Variants in ASAH2 observed in about 807,000 individuals in gnomAD.
ASAH2 encodes neutral ceramidase.
In ASAH2, 58 loss-of-function variants were observed where a neutral mutation model predicts 82.9. The observed-to-expected ratio is 0.70, with a 90% CI of 0.57 to 0.87. The LOEUF is 0.87. ASAH2 is among the 40% of genes least tolerant of loss of function. The probability of loss-of-function intolerance (pLI) is 0.00; values close to 1 mark genes in which losing one functional copy is unlikely to be tolerated. For synonymous variants in ASAH2, 276 were observed against 289.7 expected (o/e 0.95, Z 0.48); for missense variants, 779 against 834.0 (o/e 0.93, Z 0.81).
At chr10:50,222,786 T>G (rs1374999358) in intron 7 of ASAH2, among the ~76,000 whole-genome samples, 1 of 152,216 alleles carries the variant, frequency 6.6e-6, no homozygotes, top group Non-Finnish European at 1.5e-5. Context: ...TAGTTATGGA[T>G]GAATATTTAT....
intron 7 of ASAH2, among the ~76,000 whole-genome samples, chr10:50,229,708 T>C (rs1845978989): frequency 6.6e-6 from 1 of 152,180 alleles, no homozygotes; most frequent in Admixed American, 6.6e-5. Context: ...TACCAGTTCT[T>C]CAAATGCTTC....
intron 9 of ASAH2, 143 bp from the exon 10 acceptor site, chr10:50,213,201 CTA>C (rs1417017317): frequency 1.3e-6 from 1 of 767,252 alleles, no homozygotes; most frequent in African/African-American, 1.7e-5. Context: ...AAAGTACAAA[CTA>C]TAAAAACAAA....
chr10:50,224,780 C>T (rs1845837557), intron 7 of ASAH2, among the ~76,000 whole-genome samples: 1 of 152,136 alleles, frequency 6.6e-6, no homozygotes, highest in South Asian at 2.1e-4. Context: ...ATCATCCTCA[C>T]CCCAACCCAC....
intron 7 of ASAH2, among the ~76,000 whole-genome samples, chr10:50,226,778 T>C (rs1437716550): frequency 2.0e-5 from 3 of 152,120 alleles, no homozygotes; most frequent in Non-Finnish European, 4.4e-5. Flanking sequence ...TGGCACGGTA[T>C]CATTTCTGCA....
chr10:50,196,444 T>C (rs1209132024), intron 18 of ASAH2, among the ~76,000 whole-genome samples: 3 of 150,660 alleles, frequency 2.0e-5, no homozygotes, highest in African/African-American at 7.3e-5. Flanking sequence ...AAGATTGATA[T>C]AAAATAGTAA....
intron 7 of ASAH2, among the ~76,000 whole-genome samples, chr10:50,219,070 G>A (rs1425090321): frequency 3.3e-5 from 5 of 152,174 alleles, no homozygotes; most frequent in Non-Finnish European, 7.4e-5. Context: ...AGACACAGAT[G>A]TGAACAAATG....
At chr10:50,231,660 A>T (rs1448446059) in intron 7 of ASAH2, among the ~76,000 whole-genome samples, 2 of 152,150 alleles carry the variant, frequency 1.3e-5, no homozygotes, top group Non-Finnish European at 2.9e-5. Context: ...TTAAATGCTA[A>T]GGGGAAACTA....
chr10:50,218,258 T>C (rs1454904058), intron 8 of ASAH2, among the ~76,000 whole-genome samples: 6 of 152,232 alleles, frequency 3.9e-5, no homozygotes, highest in African/African-American at 1.4e-4. Flanking sequence ...TTGCCCTTCC[T>C]TATTCAACTA....
intron 7 of ASAH2, among the ~76,000 whole-genome samples, chr10:50,219,327 A>T (rs1845684740): frequency 6.6e-6 from 1 of 152,186 alleles, no homozygotes; most frequent in African/African-American, 2.4e-5. Context: ...TGAACTTCAC[A>T]CAACTCTGAG....
Position 50,187,329 on chromosome 10 carries a change from C to T in ASAH2, c.2329G>A (p.Val777Ile). The T allele has an allele frequency of 3.4e-6, 1 of 291,398 alleles. No individual in the cohort carries two copies. Among genetic ancestry groups the T allele is most frequent in the Non-Finnish European group, 6.3e-6 (1 of 159,004 alleles). 18.1% of individuals were successfully genotyped at this position (291,398 alleles called of 1,614,324 possible). Residue 777 changes from valine to isoleucine, a missense_variant, in exon 21 of 21, where the codon GTT becomes ATT. Val to Ile is a conservative substitution (Grantham distance 29). This residue lies in a region of ASAH2 where 14 missense variants were observed against 16.2 expected (regional missense o/e 0.87). Coordinates refer to ENST00000682911, the MANE Select transcript of ASAH2 (RefSeq NM_019893.4). ...SFEGTSPAFE[V>I]VTI ...TCAACTTTTCACTAAATAGTTACAA[C>T]TTCAAAAGCCGGGGAAGTGCCTTCA...
At chr10:50,233,319 A>G in intron 6 of ASAH2, 58 bp from the exon 7 acceptor site, 2 of 1,265,786 alleles carry the variant, frequency 1.6e-6, no homozygotes, top group Non-Finnish European at 2.3e-6. Flanking sequence ...ACCCTCATGT[A>G]AGATGAACAG....
rs534882364 is a variant in ASAH2 at position 50,214,836 on chromosome 10, G to A, written c.1047C>T (p.Asn349=). ...GAATGTTGGGGGACACATCTCCTAG[G>A]TTTGATGAAGCAAAGGCTGCTACAA... ...GPFVAAFASS[N]LGDVSPNILG... Residue 349 remains asparagine, a synonymous_variant, in exon 9 of 21, where the codon AAC becomes AAT. Transcript: ENST00000682911. 6.2e-7 allele frequency: 1 copy of A among 1,613,706 alleles called. No homozygotes were observed. The highest frequency in any genetic ancestry group is 1.1e-5 in the South Asian group (1 of 91,070).
Position 50,202,724 on chromosome 10 carries a change from C to T in ASAH2, c.1761+105G>A, listed in dbSNP as rs1358652516. ...CCTGTTATACCTGAAACATAATCAT[C>T]TCTCAGAAACATGACTGGGAAAGTT... On this transcript the variant is annotated intron_variant, in intron 16 of 20. Transcript: ENST00000682911. 36 of 827,550 alleles carry T rather than the reference C, an allele frequency of 4.4e-5. No homozygotes were observed. In the Admixed American group the frequency reaches 6.6e-4, roughly 15 times the overall value. 51.3% of individuals were successfully genotyped at this position (827,550 alleles called of 1,614,324 possible).
At chr10:50,249,300 C>T (rs1352269740) in intron 1 of ASAH2, among the ~76,000 whole-genome samples, 1 of 152,124 alleles carries the variant, frequency 6.6e-6, no homozygotes, top group Admixed American at 6.5e-5. Flanking sequence ...ACTTTGCAAA[C>T]CCTGTATCAA....
chr10:50,208,238 T>A (rs1845356602), intron 12 of ASAH2, among the ~76,000 whole-genome samples: 1 of 151,978 alleles, frequency 6.6e-6, no homozygotes. Flanking sequence ...TCCATACTAT[T>A]AGGAACAACA....
intron 12 of ASAH2, among the ~76,000 whole-genome samples, chr10:50,207,068 C>G (rs1246147963): frequency 6.6e-6 from 1 of 151,792 alleles, no homozygotes; most frequent in South Asian, 2.1e-4. Context: ...GCAGTATGAT[C>G]TGAAATAGCT....
rs1846417593 is a variant in ASAH2, at chr10:50,245,262, C to G, written c.320G>C (p.Gly107Ala). 3.1e-6 allele frequency: 5 copies of G among 1,614,002 alleles called. No individual in the cohort carries two copies. The highest frequency in any genetic ancestry group is 4.2e-6 in the Non-Finnish European group (5 of 1,180,018). Residue 107 changes from glycine to alanine, a missense_variant, in exon 3 of 21, where the codon GGA becomes GCA. Physicochemically the swap from Gly to Ala is moderately conservative, Grantham distance 60 (BLOSUM62 0). This residue lies in a region of ASAH2 where 759 missense variants were observed against 755.2 expected (regional missense o/e 1.00). Transcript: ENST00000682911. ...TACTTGTCCTGTGCAGTCAGCTCGT[C>G]CAACACCAATATGGTAGCCACTGAA... ...QNFSGYHIGVGRADCTGQVAD... is the reference protein window; with the variant it reads ...QNFSGYHIGVARADCTGQVAD...
intron 7 of ASAH2, among the ~76,000 whole-genome samples, chr10:50,222,949 T>C (rs1845784906): frequency 6.6e-6 from 1 of 152,200 alleles, no homozygotes; most frequent in African/African-American, 2.4e-5. Context: ...AAAGGATGAA[T>C]ACATCTCTAA....
intron 16 of ASAH2, among the ~76,000 whole-genome samples, chr10:50,202,307 G>C (rs1271985785): frequency 6.6e-6 from 1 of 151,928 alleles, no homozygotes; most frequent in African/African-American, 2.4e-5. Flanking sequence ...CTGCTTTCTG[G>C]ACTATTTATA....
Sources: allele counts gnomAD v4.1 joint callset (sites outside exome capture counted in the v4.1 genomes callset), GRCh38; gene constraint gnomAD v4.1.1; regional missense constraint gnomAD v4.1.1; transcripts MANE v1.5; gene names NCBI Gene and HGNC (gene_info 2026-07-23, HGNC 2026-07-21).